Variants in LTBP1 observed in about 807,000 individuals in gnomAD.
LTBP1 encodes the protein latent transforming growth factor beta binding protein 1, also known as latent-transforming growth factor beta-binding protein 1.
In LTBP1, 129 loss-of-function variants were observed where a neutral mutation model predicts 207.6. The ratio of observed to expected loss-of-function variants is 0.62; its 90% confidence interval spans 0.54 to 0.72. The LOEUF is 0.72. LTBP1 is among the 30% of genes least tolerant of loss of function. The probability of loss-of-function intolerance (pLI) is 0.00; values close to 1 mark genes in which losing one functional copy is unlikely to be tolerated. For synonymous variants in LTBP1, 963 were observed against 833.7 expected (o/e 1.16, Z -2.67); for missense variants, 2,281 against 2,217.2 (o/e 1.03, Z -0.58).
At chr2:33,395,219 C>T (rs2095348131) in intron 32 of LTBP1, among the ~76,000 whole-genome samples, 1 of 152,136 alleles carries the variant, frequency 6.6e-6, no homozygotes, top group South Asian at 2.1e-4. Flanking sequence ...AACCTGGTTT[C>T]AACAAAATCA....
chr2:33,132,135 C>A (rs1405421446), intron 4 of LTBP1, among the ~76,000 whole-genome samples: 4 of 152,174 alleles, frequency 2.6e-5, no homozygotes. Context: ...AGTTTATATT[C>A]TTTTGAAGTG....
intron 2 of LTBP1, among the ~76,000 whole-genome samples, chr2:33,014,383 C>T (rs536747832): frequency 3.5e-4 from 53 of 152,166 alleles, no homozygotes; most frequent in African/African-American, 1.1e-3. Flanking sequence ...AAATGTGTGA[C>T]CTCATGCTAT....
chr2:33,004,964 A>G (rs1267350328), intron 2 of LTBP1, among the ~76,000 whole-genome samples: 3 of 151,964 alleles, frequency 2.0e-5, no homozygotes, highest in Admixed American at 2.0e-4. Context: ...ATGCATGGAT[A>G]TGGAGGCCTA....
chr2:33,276,021 A>G (rs2093419753), intron 18 of LTBP1, 98 bp downstream of exon 18: 3 of 1,411,204 alleles, frequency 2.1e-6, no homozygotes, highest in Non-Finnish European at 2.8e-6. Context: ...TCAGTGCGTG[A>G]CACCAGTTTA....
At chr2:33,090,590 T>C (rs1167439567) in intron 3 of LTBP1, among the ~76,000 whole-genome samples, 1 of 152,166 alleles carries the variant, frequency 6.6e-6, no homozygotes, top group Admixed American at 6.5e-5. Context: ...ATTTTAGAGA[T>C]AGGGAAACAG....
In LTBP1 at chr2:33,228,697, C is replaced by CTT. The variant is rs1244221993; in HGVS notation, c.1876+6566_1876+6567dup. Among the ~76,000 whole-genome samples the CTT allele has an allele frequency of 2.5e-3, 244 of 99,034 alleles. 30 individuals are homozygous for CTT. The highest frequency in any genetic ancestry group is 6.3e-3 in the African/African-American group (153 of 24,218). 65.0% of individuals were successfully genotyped at this position (99,034 alleles called of 152,430 possible). On this transcript the variant is annotated intron_variant, in intron 9 of 33. Coordinates refer to ENST00000404816, the MANE Select transcript of LTBP1 (RefSeq NM_206943.4). ...TAATAAGCCCAACCAGGGTTATACCCTTTTTTTTTTTTTTTTTTTTTGAGA... is the reference window on the plus strand; with the variant it reads ...TAATAAGCCCAACCAGGGTTATACCCTTTTTTTTTTTTTTTTTTTTTTTGAGA...
Position 33,312,595 on chromosome 2 carries a change from A to G in LTBP1, c.3605-2549A>G, listed in dbSNP as rs1418975618. Among the ~76,000 whole-genome samples the G allele has an allele frequency of 2.0e-5, 3 of 152,322 alleles. No homozygotes were observed. In the East Asian group the frequency reaches 5.8e-4, roughly 29 times the overall value. ...TGAAGTTACTAGCAGCATAGTTTAG[A>G]AATGCCTCAATAAGTACAATCCAAA... On this transcript the variant is annotated intron_variant, in intron 23 of 33. Coordinates refer to ENST00000404816, the MANE Select transcript of LTBP1 (RefSeq NM_206943.4).
At chr2:33,351,252 A>G (rs942786200) in intron 26 of LTBP1, among the ~76,000 whole-genome samples, 4 of 152,164 alleles carry the variant, frequency 2.6e-5, no homozygotes, top group Non-Finnish European at 5.9e-5. Flanking sequence ...TTTTTTATTT[A>G]TAGGTAAAGA....
At chr2:32,957,179 A>C (rs565317893) in intron 2 of LTBP1, among the ~76,000 whole-genome samples, 1 of 152,216 alleles carries the variant, frequency 6.6e-6, no homozygotes, top group Non-Finnish European at 1.5e-5. Context: ...TCCTAAAAGG[A>C]GAGTCAGCCC....
At chr2:33,191,584 C>A (rs556635934) in intron 7 of LTBP1, among the ~76,000 whole-genome samples, 14 of 152,274 alleles carry the variant, frequency 9.2e-5, no homozygotes, top group Admixed American at 4.6e-4. Flanking sequence ...ACATTACTGG[C>A]AAATAATCAT....
chr2:33,202,712 G>C (rs1193844041), intron 7 of LTBP1, among the ~76,000 whole-genome samples: 1 of 152,246 alleles, frequency 6.6e-6, no homozygotes, highest in Non-Finnish European at 1.5e-5. Flanking sequence ...GGCTGGGTCA[G>C]TAGAGGGCAG....
chr2:33,158,148 C>CAAAAAAAAAAAAAAAAAAAA (rs59789805), intron 5 of LTBP1, among the ~76,000 whole-genome samples: 2 of 113,896 alleles, frequency 1.8e-5, no homozygotes, highest in African/African-American at 3.4e-5. Context: ...AAAAAAAAAA[C>CAAAAAAAAAAAAAAAAAAAA]AAAAAAAAAA....
intron 24 of LTBP1, among the ~76,000 whole-genome samples, chr2:33,319,246 A>C (rs2094318295): frequency 6.6e-6 from 1 of 151,986 alleles, no homozygotes; most frequent in Non-Finnish European, 1.5e-5. Context: ...AAAAATACAA[A>C]AATTAGCTGG....
At chr2:33,293,364 AC>A (rs1228420925) in intron 20 of LTBP1, 82 bp downstream of exon 20, 6 of 1,354,388 alleles carry the variant, frequency 4.4e-6, no homozygotes, top group Non-Finnish European at 5.9e-6. Flanking sequence ...AGAAAAGGGA[AC>A]CCTGCTACCT....
At chr2:33,149,915 T>TG (rs1321041014) in intron 5 of LTBP1, among the ~76,000 whole-genome samples, 1 of 152,156 alleles carries the variant, frequency 6.6e-6, no homozygotes, top group Non-Finnish European at 1.5e-5. Context: ...CATAACACCT[T>TG]GGGAGGGTAT....
chr2:32,966,330 A>G (rs571371004), intron 2 of LTBP1, among the ~76,000 whole-genome samples: 1 of 152,164 alleles, frequency 6.6e-6, no homozygotes, highest in East Asian at 1.9e-4. Flanking sequence ...TTTTATTTTA[A>G]TGAAGTCCAG....
chr2:33,213,961 C>T (rs530100996), intron 7 of LTBP1, among the ~76,000 whole-genome samples: 7 of 152,118 alleles, frequency 4.6e-5, no homozygotes, highest in Non-Finnish European at 1.0e-4. Context: ...TCTGGAGGCC[C>T]TGTTGAGAAA....
chr2:33,005,690 A>G (rs914232620), intron 2 of LTBP1, among the ~76,000 whole-genome samples: 1 of 150,168 alleles, frequency 6.7e-6, no homozygotes, highest in African/African-American at 2.5e-5. Context: ...AGGCTCAAGC[A>G]ATTCTCGTCC....
At chr2:33,122,362 C>G (rs115716329) in intron 4 of LTBP1, among the ~76,000 whole-genome samples, 1,641 of 152,230 alleles carry the variant, frequency 0.011, 39 homozygotes, top group African/African-American at 0.038. Context: ...CAGATGATAA[C>G]TATTGTAATC....
Sources: gnomAD v4.1 joint callset for allele counts (sites outside exome capture counted in the v4.1 genomes callset) on GRCh38, gnomAD v4.1.1 for gene constraint, MANE v1.5 for transcripts, NCBI Gene and HGNC (gene_info 2026-07-23, HGNC 2026-07-21) for gene names.